Variants in BMP5 observed in about 807,000 individuals in gnomAD.
BMP5 encodes the protein bone morphogenetic protein 5.
A neutral mutation model predicts 46.6 loss-of-function variants in BMP5; 23 were observed. That is an observed-to-expected ratio of 0.49 (90% CI 0.35 to 0.70). The LOEUF (loss-of-function observed/expected upper bound fraction) is 0.70. Among genes scored for constraint, BMP5 ranks in the 30% least tolerant of loss-of-function variants. BMP5 has a pLI of 0.00. For synonymous variants in BMP5, 204 were observed against 191.9 expected, an observed-to-expected ratio of 1.06 and a Z score of -0.52; for missense variants, 545 against 565.6, an observed-to-expected ratio of 0.96 and a Z score of 0.37.
intron 3 of BMP5, among the ~76,000 whole-genome samples, chr6:55,777,867 G>C (rs971753971): frequency 6.6e-6 from 1 of 151,874 alleles, no homozygotes; most frequent in African/African-American, 2.4e-5. Context: ...GGGAAGACAA[G>C]GTAGCACTAC....
chr6:55,827,371 T>C lies in BMP5; in HGVS notation c.491-7524A>G, dbSNP rs956662205. On this transcript the variant is annotated intron_variant, in intron 1 of 6. Transcript: ENST00000370830. ...GATGTCATTGTGGTTTTTTTAAAAA[T>C]GTTTGTTATTATGGAGTTAAAAAAA... 2.6e-5 allele frequency among the ~76,000 whole-genome samples: 4 copies of C among 151,688 alleles called. No individual in the cohort carries two copies. In the East Asian group the frequency reaches 7.7e-4, roughly 29 times the overall value.
chr6:55,831,970 C>G (rs1022561531), intron 1 of BMP5, among the ~76,000 whole-genome samples: 1 of 152,032 alleles, frequency 6.6e-6, no homozygotes, highest in East Asian at 1.9e-4. Context: ...AAAAATAATG[C>G]TTAAGAAGGG....
chr6:55,798,713 A>G (rs1775774887), intron 2 of BMP5, among the ~76,000 whole-genome samples: 1 of 152,216 alleles, frequency 6.6e-6, no homozygotes. Flanking sequence ...TATAATATAT[A>G]CATACATTTA....
chr6:55,809,514 A>G (rs1776070927), intron 2 of BMP5, among the ~76,000 whole-genome samples: 1 of 152,158 alleles, frequency 6.6e-6, no homozygotes, highest in Admixed American at 6.5e-5. Context: ...AATCATTTAT[A>G]TAATCAAGAA....
intron 1 of BMP5, among the ~76,000 whole-genome samples, chr6:55,848,503 G>T (rs1175176160): frequency 6.6e-6 from 1 of 151,776 alleles, no homozygotes; most frequent in African/African-American, 2.4e-5. Flanking sequence ...ATGATAAATG[G>T]TATCACAATG....
In BMP5 at chr6:55,813,765, T is replaced by C. The variant is rs9475413; in HGVS notation, c.683+5890A>G. ...TTGCGCCACTGCACTCCAGCCTGGA[T>C]GAAAGAGCGAGACACCGTCTCAAAA... is the stretch of plus-strand genomic sequence containing the variant. On this transcript the variant is annotated intron_variant, in intron 2 of 6. Transcript: ENST00000370830. 3.8e-3 allele frequency among the ~76,000 whole-genome samples: 539 copies of C among 143,378 alleles called. 5 individuals carry two copies. The highest frequency in any genetic ancestry group is 0.014 in the African/African-American group (508 of 36,266). 94.1% of individuals were successfully genotyped at this position (143,378 alleles called of 152,430 possible).
intron 2 of BMP5, among the ~76,000 whole-genome samples, chr6:55,801,474 C>G (rs1582076034): frequency 6.6e-6 from 1 of 152,156 alleles, no homozygotes; most frequent in African/African-American, 2.4e-5. Context: ...TCATGGGTTC[C>G]AGATTATCTT....
At chr6:55,829,724 C>T (rs1776620451) in intron 1 of BMP5, among the ~76,000 whole-genome samples, 1 of 151,556 alleles carries the variant, frequency 6.6e-6, no homozygotes, top group Non-Finnish European at 1.5e-5. Flanking sequence ...AAAAAAATAA[C>T]ATTTATCTTA....
rs188887846 is a variant in BMP5 at position 55,782,932 on chromosome 6, C to T, written c.833-8689G>A. On this transcript the variant is annotated intron_variant, in intron 3 of 6. Transcript: ENST00000370830. ...CTTGTCACACTACTAAAGTAGTATG[C>T]TTTTCCTCTAAGTACACAGTAGTCC... Among the ~76,000 whole-genome samples the T allele has an allele frequency of 6.6e-5, 10 of 152,242 alleles. No homozygotes were observed. The East Asian group carries it at 1.9e-3, about 30-fold the overall frequency.
intron 1 of BMP5, among the ~76,000 whole-genome samples, chr6:55,852,482 A>G (rs1777269543): frequency 6.6e-6 from 1 of 152,132 alleles, no homozygotes; most frequent in African/African-American, 2.4e-5. Flanking sequence ...AATTCCAATT[A>G]AACTTTTCAC....
At position 55,759,144 on chromosome 6, in the gene BMP5, C is replaced by A. The variant is rs779462976; in HGVS notation, c.1105-29G>T. On this transcript the variant is annotated intron_variant, in intron 5 of 6. Coordinates refer to ENST00000370830, the MANE Select transcript of BMP5 (RefSeq NM_021073.4). ...ACACATACACACACACACACACACA[C>A]AAAAAAAAAAAAAAAAAAAAAAAAA... 12,484 of 72,404 alleles carry A rather than the reference C, an allele frequency of 0.17. 23 individuals carry two copies. Among genetic ancestry groups the A allele is most frequent in the South Asian group, 0.27 (2,458 of 8,980 alleles). The allele number at this position is 72,404 out of a possible 1,614,324, so 4.5% of individuals were successfully genotyped here.
At chr6:55,794,450 A>G in intron 2 of BMP5, 23 bp from the exon 3 acceptor site, 1 of 1,612,530 alleles carries the variant, frequency 6.2e-7, no homozygotes, top group Non-Finnish European at 8.5e-7. Context: ...GGAACAACAA[A>G]AAAAGTTAAA....
At chr6:55,846,666 T>G (rs1431340890) in intron 1 of BMP5, among the ~76,000 whole-genome samples, 1 of 151,870 alleles carries the variant, frequency 6.6e-6, no homozygotes, top group Non-Finnish European at 1.5e-5. Flanking sequence ...CAAATCTCCC[T>G]GAATGTCTGC....
chr6:55,802,789 A>T (rs1012496074), intron 2 of BMP5, among the ~76,000 whole-genome samples: 1 of 151,226 alleles, frequency 6.6e-6, no homozygotes, highest in Non-Finnish European at 1.5e-5. Flanking sequence ...CCTACCTAAT[A>T]TATATTAAAT....
intron 3 of BMP5, among the ~76,000 whole-genome samples, chr6:55,793,754 TG>T (rs1251081051): frequency 1.3e-5 from 2 of 152,212 alleles, no homozygotes; most frequent in South Asian, 2.1e-4. Context: ...TGCAGTTTTT[TG>T]TGACTCATTC....
chr6:55,787,551 T>A (rs1420857400), intron 3 of BMP5, among the ~76,000 whole-genome samples: 1 of 151,620 alleles, frequency 6.6e-6, no homozygotes, highest in African/African-American at 2.4e-5. Context: ...AGAAATGTTA[T>A]CAGTATGTTA....
In BMP5 at chr6:55,755,638, A is replaced by T; in HGVS notation, c.1260T>A (p.Ala420=). The T allele has an allele frequency of 6.2e-7, 1 of 1,612,556 alleles. No homozygotes were observed. Among genetic ancestry groups the T allele is most frequent in the Non-Finnish European group, 8.5e-7 (1 of 1,178,970 alleles). The change falls in exon 7 of 7, where the codon GCT becomes GCA. Residue 420 remains alanine (A), a synonymous_variant. Coordinates refer to ENST00000370830, the MANE Select transcript of BMP5 (RefSeq NM_021073.4). The stretch of plus-strand genomic sequence containing the variant: ...CAGAGATGGCATTTAATTTGGTTGG[A>T]GCACAACAAGGCTTTGGTACGTGGT... The part of the protein sequence containing the change: ...FPDHVPKPCC[A]PTKLNAISVL...
chr6:55,766,032 G>A (rs753616930), intron 4 of BMP5, among the ~76,000 whole-genome samples: 2 of 151,990 alleles, frequency 1.3e-5, no homozygotes, highest in Admixed American at 6.6e-5. Flanking sequence ...AGTCGTCCAG[G>A]CCAGAAAATT....
At chr6:55,847,284 C>T (rs75478319) in intron 1 of BMP5, among the ~76,000 whole-genome samples, 2,726 of 152,056 alleles carry the variant, frequency 0.018, 90 homozygotes, top group African/African-American at 0.061. Flanking sequence ...CTGTCATTCT[C>T]AACCAGGGCA....
Sources: gnomAD v4.1 joint callset for allele counts (sites outside exome capture counted in the v4.1 genomes callset) on GRCh38, gnomAD v4.1.1 for gene constraint, MANE v1.5 for transcripts, NCBI Gene and HGNC (gene_info 2026-07-23, HGNC 2026-07-21) for gene names.